The following TMEM165 variants were observed in gnomAD, a reference collection of about 807,000 sequenced individuals.
TMEM165 encodes the protein putative divalent cation/proton antiporter TMEM165.
TMEM165 carries 19 observed loss-of-function variants against 30.0 expected under a neutral mutation model. The ratio of observed to expected loss-of-function variants is 0.63; its 90% CI spans 0.44 to 0.93. The LOEUF (loss-of-function observed/expected upper bound fraction) is 0.93, where lower values mean the gene tolerates loss of function less well. Among genes scored for constraint, TMEM165 ranks in the 40% least tolerant of loss-of-function variants. The pLI is 0.00. For synonymous variants in TMEM165, 168 were observed against 162.9 expected, an observed-to-expected ratio of 1.03 and a Z score of -0.24; for missense variants, 340 against 417.0, an observed-to-expected ratio of 0.82 and a Z score of 1.61.
chr4:55,430,279 A>G (rs1420438833), downstream of TMEM165: 1 of 152,174 alleles, frequency 6.6e-6, no homozygotes, highest in East Asian at 1.9e-4. Flanking sequence ...CCACTAAATA[A>G]TGTTTCCCTG....
chr4:55,411,464 T>A, intron 1 of TMEM165, 150 bp from the exon 2 acceptor site: 1 of 676,550 alleles, frequency 1.5e-6, no homozygotes, highest in Non-Finnish European at 2.5e-6. Flanking sequence ...GAGGTTACCG[T>A]CGTTACTGAT....
intron 3 of TMEM165, chr4:55,433,243 A>C (rs1722639444): frequency 6.6e-6 from 1 of 152,594 alleles, no homozygotes; most frequent in South Asian, 2.1e-4. Flanking sequence ...TATTCATGGG[A>C]ATGTGGGAAA....
At chr4:55,412,398 A>AAAAT (rs1721545777) in intron 2 of TMEM165, among the ~76,000 whole-genome samples, 3 of 149,172 alleles carry the variant, frequency 2.0e-5, no homozygotes, top group Non-Finnish European at 4.5e-5. Flanking sequence ...CATCTCAAAA[A>AAAAT]AAAAAAAAAA....
chr4:55,403,179 T>A, intron 1 of TMEM165: 1 of 1,060,458 alleles, frequency 9.4e-7, no homozygotes, highest in Non-Finnish European at 1.3e-6. Flanking sequence ...TGTCTTCAGA[T>A]AATCTCACCT....
rs1560399277 is a variant in TMEM165 at position 55,425,395 on chromosome 4, CG to C, written c.919del (p.Val307PhefsTer12). 5.0e-6 allele frequency: 8 copies of C among 1,613,618 alleles called. No individual in the cohort carries two copies. Among genetic ancestry groups the C allele is most frequent in the Non-Finnish European group, 5.9e-6 (7 of 1,179,830 alleles). On this transcript the variant is annotated frameshift_variant, in exon 6 of 6. Coordinates refer to ENST00000381334, the MANE Select transcript of TMEM165 (RefSeq NM_018475.5). LOFTEE classifies it high-confidence loss of function. ...VRTVTIIGGI[V>X]FLAFAFSALF... ...TTCCAGTGACAATCATAGGAGGCATCGTTTTTTTGGCGTTTGCATTTTCTGC... is the reference window on the plus strand; with the variant it reads ...TTCCAGTGACAATCATAGGAGGCATCTTTTTTTGGCGTTTGCATTTTCTGC...
Position 55,425,645 on chromosome 4 carries a change from C to CT in TMEM165, c.*195dup. 2.0e-6 allele frequency: 1 copy of CT among 504,092 alleles called. No individual in the cohort carries two copies. The highest frequency in any genetic ancestry group is 3.5e-6 in the Non-Finnish European group (1 of 288,298). The allele number at this position is 504,092 out of a possible 1,614,324, so 31.2% of individuals were successfully genotyped here. On this transcript the variant is annotated 3_prime_UTR_variant, in exon 6 of 6. Coordinates refer to ENST00000381334, the MANE Select transcript of TMEM165 (RefSeq NM_018475.5). ...ACAAGGAGTTTTAAAAGAAACCTGA[C>CT]TTCTAAGTGTGGGTTTTTCTTCTCT...
chr4:55,429,569 G>T (rs372053834), downstream of TMEM165: 1 of 152,094 alleles, frequency 6.6e-6, no homozygotes, highest in South Asian at 2.1e-4. Flanking sequence ...ACATTATTCC[G>T]CCAAATTTAA....
rs60110155 is a variant in TMEM165, at chr4:55,420,146, T to TTTATTTATTTATTTA, written c.792+2163_792+2164insATTTATTTATTTATT. On this transcript the variant is annotated intron_variant, in intron 4 of 5. Coordinates refer to ENST00000381334, the MANE Select transcript of TMEM165 (RefSeq NM_018475.5). ...ACATATATATTTATTTATTTATTTA[T>TTTATTTATTTATTTA]TTTATTTATTTATTTAATGGCTGTA... Among the ~76,000 whole-genome samples, 16 of 41,614 alleles carry TTTATTTATTTATTTA rather than the reference T, an allele frequency of 3.8e-4. 2 individuals are homozygous for TTTATTTATTTATTTA. The highest frequency in any genetic ancestry group is 1.2e-3 in the African/African-American group (12 of 9,920). 27.3% of individuals were successfully genotyped at this position (41,614 alleles called of 152,430 possible). A position where few individuals can be genotyped will look rare whatever the true frequency, so the allele number is the denominator to read the frequency against.
intron 4 of TMEM165, 115 bp from the exon 5 acceptor site, chr4:55,424,423 A>C: frequency 1.6e-6 from 1 of 629,962 alleles, no homozygotes; most frequent in Non-Finnish European, 2.9e-6. Context: ...GCATTTTTAT[A>C]ACTATTATGC....
intron 5 of TMEM165, among the ~76,000 whole-genome samples, chr4:55,425,073 A>G (rs1430224733): frequency 6.6e-6 from 1 of 152,206 alleles, no homozygotes; most frequent in African/African-American, 2.4e-5. Context: ...ATTTTCTTTT[A>G]TAACTGGATT....
rs181063322 is a variant in TMEM165 at position 55,425,556 on chromosome 4, A to G, written c.*104A>G. 133 of 888,132 alleles carry G rather than the reference A, an allele frequency of 1.5e-4. 1 individual carries two copies. The highest frequency in any genetic ancestry group is 1.9e-4 in the Non-Finnish European group (107 of 570,936). 55.0% of individuals were successfully genotyped at this position (888,132 alleles called of 1,614,324 possible). On this transcript the variant is annotated 3_prime_UTR_variant, in exon 6 of 6. Transcript: ENST00000381334. Reference sequence around the variant, plus strand: ...GTGATGGAAAAATACTGTATTTTGTAGCACTGATTTTGTGAGTTTGACCCA... The same window carrying G: ...GTGATGGAAAAATACTGTATTTTGTGGCACTGATTTTGTGAGTTTGACCCA...
rs71194554 is a variant in TMEM165 at position 55,402,795 on chromosome 4, C to CT, written c.207+6413dup. On this transcript the variant is annotated intron_variant, in intron 1 of 5. Coordinates refer to ENST00000381334, the MANE Select transcript of TMEM165 (RefSeq NM_018475.5). ...ACATTTTTACAACTTTTAAAAAAAG[C>CT]TTTTTTTTTTTTTTGAGACGGAGTC... is the stretch of plus-strand genomic sequence containing the variant. 7.4e-4 allele frequency among the ~76,000 whole-genome samples: 53 copies of CT among 71,402 alleles called. 7 individuals carry two copies. Among genetic ancestry groups the CT allele is most frequent in the East Asian group, 1.8e-3 (4 of 2,262 alleles). The allele number at this position is 71,402 out of a possible 152,430, so 46.8% of individuals were successfully genotyped here.
Position 55,402,399 on chromosome 4 carries a change from GTGTGTATATATATATA to G in TMEM165, c.207+6005_207+6020del, listed in dbSNP as rs1235150459. On this transcript the variant is annotated intron_variant, in intron 1 of 5. Coordinates refer to ENST00000381334, the MANE Select transcript of TMEM165 (RefSeq NM_018475.5). ...TGTTTAAGTGCGTGCGTGTGTGTGT[GTGTGTATATATATATA>G]TATATATATATATATATATTTTTTT... Among the ~76,000 whole-genome samples the G allele has an allele frequency of 5.8e-4, 20 of 34,306 alleles. 1 individual carries two copies. The highest frequency in any genetic ancestry group is 1.1e-3 in the African/African-American group (7 of 6,156). 22.5% of individuals were successfully genotyped at this position (34,306 alleles called of 152,430 possible). A position where few individuals can be genotyped will look rare whatever the true frequency, so the allele number is the denominator to read the frequency against.
chr4:55,420,811 G>A (rs1324208999), intron 4 of TMEM165, among the ~76,000 whole-genome samples: 2 of 152,158 alleles, frequency 1.3e-5, no homozygotes, highest in Non-Finnish European at 2.9e-5. Context: ...TTTGAGACTT[G>A]AATTGGTTCT....
chr4:55,412,393 CAAAAAAAAAAA>C (rs371124857), intron 2 of TMEM165, among the ~76,000 whole-genome samples: 1 of 54,366 alleles, frequency 1.8e-5, no homozygotes, highest in Non-Finnish European at 3.1e-5. Flanking sequence ...GACTCCATCT[CAAAAAAAAAAA>C]AAAAAAAAAA....
At chr4:55,416,992 A>C in intron 2 of TMEM165, 80 bp from the exon 3 acceptor site, 1 of 1,277,804 alleles carries the variant, frequency 7.8e-7, no homozygotes, top group Non-Finnish European at 1.1e-6. Context: ...AACAGTGATA[A>C]ATTATTATTT....
chr4:55,438,191 T>C (rs982630888), intron 3 of TMEM165: 1 of 1,453,298 alleles, frequency 6.9e-7, no homozygotes, highest in African/African-American at 1.4e-5. Flanking sequence ...TGTGAATTTT[T>C]CACATCACTC....
intron 1 of TMEM165, among the ~76,000 whole-genome samples, chr4:55,400,757 T>G (rs1720967566): frequency 6.6e-6 from 1 of 150,430 alleles, no homozygotes; most frequent in Non-Finnish European, 1.5e-5. Flanking sequence ...TTTATGTAAC[T>G]TTTTGATACT....
chr4:55,407,928 T>A (rs578161262), intron 1 of TMEM165, among the ~76,000 whole-genome samples: 13 of 152,182 alleles, frequency 8.5e-5, no homozygotes, highest in African/African-American at 3.1e-4. Context: ...TGAACTTGAG[T>A]CACAGGGGGG....
Sources: gnomAD v4.1 joint callset for allele counts (sites outside exome capture counted in the v4.1 genomes callset) on GRCh38, gnomAD v4.1.1 for gene constraint, MANE v1.5 for transcripts, NCBI Gene and HGNC (gene_info 2026-07-23, HGNC 2026-07-21) for gene names.